PAGE3: variants seen among roughly 807,000 people sequenced by gnomAD.
The protein encoded by PAGE3 is P antigen family member 3.
Under a neutral mutation model 3.8 loss-of-function variants are expected in PAGE3, and 9 were observed. The ratio of observed to expected loss-of-function variants is 2.36; its 90% confidence interval spans 1.42 to 4.12. The LOEUF is 4.12. PAGE3 is among the 30% of genes most tolerant of loss of function. The pLI, the probability that PAGE3 is intolerant of heterozygous loss-of-function variation, is 0.00. For synonymous variants in PAGE3, 24 were observed against 13.1 expected (o/e 1.83, Z -1.79); for missense variants, 73 against 37.8 (o/e 1.93, Z -2.44).
chrX:55,260,807 T>C (rs1938277250), intron 3 of PAGE3, 148 bp from the exon 4 acceptor site: 2 of 345,280 alleles, frequency 5.8e-6, no homozygotes, highest in Non-Finnish European at 1.0e-5. Context: ...TCAAGAACAT[T>C]ATTTCAGGAC....
chrX:55,261,489 A>T (rs1200087716), intron 3 of PAGE3, among the ~76,000 whole-genome samples: 1 of 111,847 alleles, frequency 8.9e-6, no homozygotes, highest in East Asian at 2.8e-4. Context: ...CTTTTCTGTA[A>T]ATTTTATATT....
chrX:55,263,972 C>T, intron 1 of PAGE3, 61 bp from the exon 2 acceptor site: 1 of 480,987 alleles, frequency 2.1e-6, no homozygotes. Flanking sequence ...TGACCTTTTC[C>T]ATGGCTAAAT....
At chrX:55,262,239 A>C (rs986201933) in intron 3 of PAGE3, among the ~76,000 whole-genome samples, 1 of 111,963 alleles carries the variant, frequency 8.9e-6, no homozygotes, top group African/African-American at 3.2e-5. Flanking sequence ...TCGTAGGTAC[A>C]TAACCTTTTG....
chrX:55,264,801 T>C lies in PAGE3; in HGVS notation c.-264A>G, dbSNP rs1938360638. 9.0e-6 allele frequency: 1 copy of C among 111,355 alleles called. No homozygotes were observed. Among genetic ancestry groups the C allele is most frequent in the Non-Finnish European group, 1.9e-5 (1 of 53,072 alleles). The allele number at this position is 111,355 out of a possible 1,213,427, so 9.2% of individuals were successfully genotyped here. On this transcript the variant is annotated 5_prime_UTR_variant, in exon 1 of 5. Coordinates refer to ENST00000374951, the MANE Select transcript of PAGE3 (RefSeq NM_001017931.3). Reference sequence around the variant, plus strand: ...ACAACTAAATTCCCAGGAGGACTGATCTGCGGACCTACCAGCTGAGTCCCA... The same window carrying C: ...ACAACTAAATTCCCAGGAGGACTGACCTGCGGACCTACCAGCTGAGTCCCA...
intron 1 of PAGE3, among the ~76,000 whole-genome samples, chrX:55,264,316 G>T (rs749154327): frequency 1.8e-5 from 2 of 110,824 alleles, no homozygotes; most frequent in Admixed American, 1.9e-4. Context: ...ATTCCTGCCC[G>T]AGATGTCAGT....
intron 3 of PAGE3, among the ~76,000 whole-genome samples, chrX:55,262,519 A>G (rs898677440): frequency 9.1e-6 from 1 of 110,161 alleles, no homozygotes; most frequent in Non-Finnish European, 1.9e-5. Flanking sequence ...AAGCAAAATC[A>G]TTCACTTTTT....
chrX:55,263,946 A>G (rs748712582), intron 1 of PAGE3, 35 bp from the exon 2 acceptor site: 2 of 529,017 alleles, frequency 3.8e-6, no homozygotes, highest in Admixed American at 2.5e-5. Flanking sequence ...GAAAATGTAC[A>G]TAAGAGTGTA....
intron 3 of PAGE3, among the ~76,000 whole-genome samples, chrX:55,260,960 G>T (rs2146567703): frequency 8.9e-6 from 1 of 111,777 alleles, no homozygotes; most frequent in South Asian, 3.7e-4. Context: ...ATTTGAGTCT[G>T]TCTAACTAGA....
intron 1 of PAGE3, 39 bp from the exon 2 acceptor site, chrX:55,263,950 G>C (rs1460503409): frequency 1.3e-5 from 7 of 527,365 alleles, no homozygotes; most frequent in Non-Finnish European, 2.4e-5. Context: ...ATGTACATAA[G>C]AGTGTATCAT....
chrX:55,264,838 A>G lies in PAGE3; in HGVS notation c.-301T>C, dbSNP rs950172016. On this transcript the variant is annotated 5_prime_UTR_variant, in exon 1 of 5. Coordinates refer to ENST00000374951, the MANE Select transcript of PAGE3 (RefSeq NM_001017931.3). ...CCAGCTGAGTCCCAGTCAGTGAGAAAGAATGAAGAGGACAGGAGGACCACC... is the reference window on the plus strand; with the variant it reads ...CCAGCTGAGTCCCAGTCAGTGAGAAGGAATGAAGAGGACAGGAGGACCACC... 5 of 111,412 alleles carry G rather than the reference A, an allele frequency of 4.5e-5. No homozygotes were observed. Among genetic ancestry groups the G allele is most frequent in the African/African-American group, 1.6e-4 (5 of 30,625 alleles). 9.2% of individuals were successfully genotyped at this position (111,412 alleles called of 1,213,427 possible).
rs757298936 is a variant in PAGE3, at chrX:55,263,245, C to G, written c.193+6G>C. 1 of 564,186 alleles carries G rather than the reference C, an allele frequency of 1.8e-6. No individual in the cohort carries two copies. The highest frequency in any genetic ancestry group is 2.3e-5 in the African/African-American group (1 of 44,315). The allele number at this position is 564,186 out of a possible 1,213,427, so 46.5% of individuals were successfully genotyped here. A position where few individuals can be genotyped will look rare whatever the true frequency, so the allele number is the denominator to read the frequency against. ...TCATAGGCATTCTTCCTCTCCCACG[C>G]TTCACCTTGGAAGTCCAGTGCTCCC... On this transcript the variant is annotated splice_donor_region_variant and intron_variant, in intron 3 of 4. Transcript: ENST00000374951.
At chrX:55,261,782 A>G (rs1368176068) in intron 3 of PAGE3, among the ~76,000 whole-genome samples, 3 of 111,833 alleles carry the variant, frequency 2.7e-5, no homozygotes, top group Non-Finnish European at 5.6e-5. Context: ...AACATCAGCC[A>G]TCCAGGAAAT....
chrX:55,263,287 C>G lies in PAGE3; in HGVS notation c.157G>C (p.Gly53Arg), dbSNP rs2296807. 1.8e-6 allele frequency: 1 copy of G among 567,510 alleles called. No individual in the cohort carries two copies. Among genetic ancestry groups the G allele is most frequent in the Non-Finnish European group, 3.2e-6 (1 of 308,756 alleles). 46.8% of individuals were successfully genotyped at this position (567,510 alleles called of 1,213,427 possible). ...AGTGCTCCCTCGTCTCTCTCTTGAC[C>G]AGGTGTATAATCCTGACTTTCAATT... ...PPIESQDYTP[G>R]QERDEGALDF... The change falls in exon 3 of 5, where the codon GGT becomes CGT. Residue 53 changes from glycine (G) to arginine (R), a missense_variant. Gly to Arg is a moderately radical substitution (Grantham distance 125). Coordinates refer to ENST00000374951, the MANE Select transcript of PAGE3 (RefSeq NM_001017931.3).
rs2296807 is a variant in PAGE3, at chrX:55,263,287, C to A, written c.157G>T (p.Gly53Cys). Residue 53 changes from glycine (G) to cysteine (C), a missense_variant, in exon 3 of 5, where the codon GGT becomes TGT. Coordinates refer to ENST00000374951, the MANE Select transcript of PAGE3 (RefSeq NM_001017931.3). ...PPIESQDYTP[G>C]QERDEGALDF... ...AGTGCTCCCTCGTCTCTCTCTTGAC[C>A]AGGTGTATAATCCTGACTTTCAATT... is the stretch of plus-strand genomic sequence containing the variant. 64 of 567,515 alleles carry A rather than the reference C, an allele frequency of 1.1e-4. No individual in the cohort carries two copies. Among genetic ancestry groups the A allele is most frequent in the Non-Finnish European group, 1.9e-4 (58 of 308,755 alleles). 46.8% of individuals were successfully genotyped at this position (567,515 alleles called of 1,213,427 possible). A position where few individuals can be genotyped will look rare whatever the true frequency, so the allele number is the denominator to read the frequency against.
intron 4 of PAGE3, among the ~76,000 whole-genome samples, chrX:55,259,746 C>T (rs1401214998): frequency 9.0e-6 from 1 of 110,512 alleles, no homozygotes; most frequent in African/African-American, 3.3e-5. Flanking sequence ...TTATGTTTAT[C>T]TTGTGCCTTT....
chrX:55,263,907 T>A lies in PAGE3; in HGVS notation c.-4A>T, dbSNP rs373553087. ...TTGTTCTTTGATGTCCACTCATGTTTCACTCTGAAAGTGGCATACTGTGAT... is the reference window on the plus strand; with the variant it reads ...TTGTTCTTTGATGTCCACTCATGTTACACTCTGAAAGTGGCATACTGTGAT... On this transcript the variant is annotated 5_prime_UTR_variant, in exon 2 of 5. Transcript: ENST00000374951. 3.5e-6 allele frequency: 2 copies of A among 564,757 alleles called. No homozygotes were observed. Among genetic ancestry groups the A allele is most frequent in the South Asian group, 4.6e-5 (2 of 43,133 alleles). The allele number at this position is 564,757 out of a possible 1,213,427, so 46.5% of individuals were successfully genotyped here. A position where few individuals can be genotyped will look rare whatever the true frequency, so the allele number is the denominator to read the frequency against.
chrX:55,262,331 T>G (rs947247353), intron 3 of PAGE3, among the ~76,000 whole-genome samples: 1 of 111,360 alleles, frequency 9.0e-6, no homozygotes, highest in Non-Finnish European at 1.9e-5. Flanking sequence ...TATGCCAATA[T>G]CCTGAATTGT....
chrX:55,258,634 ACAAGGTAACCCTCTGGCTTATAT>A (rs1938235785), intron 4 of PAGE3, 106 bp from the exon 5 acceptor site: 4 of 492,866 alleles, frequency 8.1e-6, no homozygotes, highest in Non-Finnish European at 1.5e-5. Context: ...ATGAACTATA[ACAAGGTAACCCTCTGGCTTATAT>A]CCAGTTAAAC....
chrX:55,258,909 G>T (rs1334375189), intron 4 of PAGE3, among the ~76,000 whole-genome samples: 1 of 111,751 alleles, frequency 8.9e-6, no homozygotes, highest in Non-Finnish European at 1.9e-5. Context: ...ATAATGTTTT[G>T]AATATAGGAT....
Sources: gnomAD v4.1 joint callset for allele counts (sites outside exome capture counted in the v4.1 genomes callset) on GRCh38, gnomAD v4.1.1 for gene constraint, MANE v1.5 for transcripts, NCBI Gene and HGNC (gene_info 2026-07-23, HGNC 2026-07-21) for gene names.